Variants in CDK14 observed in about 807,000 individuals in gnomAD.
CDK14 encodes cyclin dependent kinase 14.
A neutral mutation model predicts 60.7 loss-of-function variants in CDK14; 34 were observed. That is an observed-to-expected ratio of 0.56 (90% CI 0.43 to 0.75). The LOEUF (loss-of-function observed/expected upper bound fraction) is 0.75. Ranked by LOEUF, CDK14 falls within the 30% of genes least tolerant of loss-of-function variation. CDK14 has a pLI of 0.00. For synonymous variants in CDK14, 197 were observed against 203.7 expected, an observed-to-expected ratio of 0.97 and a Z score of 0.28; for missense variants, 482 against 564.1, an observed-to-expected ratio of 0.85 and a Z score of 1.47.
At chr7:91,062,278 A>G (rs1797824289) in intron 11 of CDK14, among the ~76,000 whole-genome samples, 1 of 152,020 alleles carries the variant, frequency 6.6e-6, no homozygotes, top group Non-Finnish European at 1.5e-5. Context: ...GAATGACCTG[A>G]TTTTCCAGGT....
At position 90,662,160 on chromosome 7, in the gene CDK14, T is replaced by G. The variant is rs117366444; in HGVS notation, c.123+57911T>G. ...CATGTTTGGAACTTAGGAGAATTGG[T>G]ATACAACAAGTCCATCAGTTTAAAC... On this transcript the variant is annotated intron_variant, in intron 2 of 14. Transcript: ENST00000380050. Among the ~76,000 whole-genome samples, 58 of 152,338 alleles carry G rather than the reference T, an allele frequency of 3.8e-4. 1 individual carries two copies. The East Asian group carries it at 0.011, about 29-fold the overall frequency.
chr7:91,008,971 C>A (rs1009935099), intron 10 of CDK14, among the ~76,000 whole-genome samples: 1 of 151,924 alleles, frequency 6.6e-6, no homozygotes, highest in African/African-American at 2.4e-5. Flanking sequence ...ATCCATCATT[C>A]CCCCTCAATT....
intron 12 of CDK14, among the ~76,000 whole-genome samples, chr7:91,093,293 A>G (rs775038422): frequency 2.6e-5 from 4 of 152,228 alleles, no homozygotes; most frequent in Non-Finnish European, 5.9e-5. Flanking sequence ...ACCTGAGGCC[A>G]GCATCCTGGT....
At chr7:91,044,273 G>A (rs953187301) in intron 10 of CDK14, among the ~76,000 whole-genome samples, 3 of 152,162 alleles carry the variant, frequency 2.0e-5, no homozygotes, top group Non-Finnish European at 4.4e-5. Context: ...GTGGATTCAA[G>A]GATTTTCTGA....
At chr7:91,061,815 G>T (rs1797802689) in intron 11 of CDK14, among the ~76,000 whole-genome samples, 1 of 152,188 alleles carries the variant, frequency 6.6e-6, no homozygotes, top group Non-Finnish European at 1.5e-5. Flanking sequence ...CCCCTACTCG[G>T]GGGTGCCTCC....
chr7:90,696,194 A>G (rs540444696), intron 2 of CDK14, among the ~76,000 whole-genome samples: 4 of 152,290 alleles, frequency 2.6e-5, no homozygotes, highest in African/African-American at 4.8e-5. Context: ...GAGTACAATC[A>G]AGGATTCTGA....
At chr7:91,052,659 G>A (rs1244797572) in intron 11 of CDK14, among the ~76,000 whole-genome samples, 1 of 152,064 alleles carries the variant, frequency 6.6e-6, no homozygotes, top group African/African-American at 2.4e-5. Flanking sequence ...GAAGTTCAGT[G>A]AGGAAAAAAA....
chr7:90,771,991 A>G (rs950368930), intron 4 of CDK14, among the ~76,000 whole-genome samples: 1 of 152,244 alleles, frequency 6.6e-6, no homozygotes, highest in Admixed American at 6.5e-5. Context: ...CATTCCAATC[A>G]GGCTAAGGTT....
chr7:90,740,519 G>A (rs1803303652), intron 3 of CDK14, among the ~76,000 whole-genome samples: 1 of 151,938 alleles, frequency 6.6e-6, no homozygotes, highest in African/African-American at 2.4e-5. Context: ...CCATCAACCA[G>A]AGGGAAGGCC....
At chr7:90,823,725 A>G (rs1584013752) in intron 5 of CDK14, among the ~76,000 whole-genome samples, 1 of 152,186 alleles carries the variant, frequency 6.6e-6, no homozygotes, top group Non-Finnish European at 1.5e-5. Flanking sequence ...GAGTGGTAAC[A>G]TGCCCTCTCC....
chr7:91,169,032 G>A (rs1801433199), intron 14 of CDK14, among the ~76,000 whole-genome samples: 1 of 152,172 alleles, frequency 6.6e-6, no homozygotes, highest in Non-Finnish European at 1.5e-5. Context: ...CATAGCTGTT[G>A]ATTGTGCTCC....
At chr7:90,966,810 G>C (rs1794765568) in intron 9 of CDK14, among the ~76,000 whole-genome samples, 1 of 152,098 alleles carries the variant, frequency 6.6e-6, no homozygotes, top group South Asian at 2.1e-4. Flanking sequence ...CTTTTTCCAA[G>C]TTGCTGTAGG....
At chr7:90,604,086 A>G (rs1460293088) in intron 1 of CDK14, 132 bp from the exon 2 acceptor site, 6 of 600,382 alleles carry the variant, frequency 1.0e-5, no homozygotes, top group Admixed American at 3.8e-5. Context: ...TAACATTGTT[A>G]TTCAGGTTGG....
chr7:91,173,128 A>T (rs987362284), intron 14 of CDK14, among the ~76,000 whole-genome samples: 1 of 151,902 alleles, frequency 6.6e-6, no homozygotes, highest in Non-Finnish European at 1.5e-5. Flanking sequence ...GCAAACTTCC[A>T]TATAACAAAC....
At position 91,209,288 on chromosome 7, in the gene CDK14, C is replaced by T. The variant is rs1448822471; in HGVS notation, c.*2152C>T. 3 of 152,224 alleles carry T rather than the reference C, an allele frequency of 2.0e-5. No individual in the cohort carries two copies. The highest frequency in any genetic ancestry group is 6.5e-5 in the Admixed American group (1 of 15,276). 9.4% of individuals were successfully genotyped at this position (152,224 alleles called of 1,614,324 possible). On this transcript the variant is annotated 3_prime_UTR_variant, in exon 15 of 15. Transcript: ENST00000380050. ...CGGAGAAGTGAAATATAACATTACT[C>T]AGTGGACGGAGAAATCTGTTTTGTT... is the stretch of plus-strand genomic sequence containing the variant.
intron 9 of CDK14, among the ~76,000 whole-genome samples, chr7:90,961,722 A>C (rs1457378028): frequency 6.6e-6 from 1 of 152,256 alleles, no homozygotes; most frequent in African/African-American, 2.4e-5. Flanking sequence ...GCAATGCAAC[A>C]TAACAAAAGA....
chr7:90,733,565 AT>A (rs1019648592), intron 3 of CDK14, among the ~76,000 whole-genome samples: 2 of 152,156 alleles, frequency 1.3e-5, no homozygotes, highest in Admixed American at 6.5e-5. Flanking sequence ...TCCCTTTACC[AT>A]TAGTAATGTC....
intron 2 of CDK14, among the ~76,000 whole-genome samples, chr7:90,680,529 G>C (rs1801292449): frequency 6.6e-6 from 1 of 152,174 alleles, no homozygotes; most frequent in Admixed American, 6.5e-5. Flanking sequence ...AGGTCAGATA[G>C]AATGAGTTTC....
chr7:90,709,638 A>G (rs757206629), intron 2 of CDK14: 1 of 1,608,362 alleles, frequency 6.2e-7, no homozygotes, highest in South Asian at 1.1e-5. Context: ...GGAAAAAAAA[A>G]TTAGATTTTT....
Sources: gnomAD v4.1 joint callset for allele counts (sites outside exome capture counted in the v4.1 genomes callset) on GRCh38, gnomAD v4.1.1 for gene constraint, MANE v1.5 for transcripts, NCBI Gene and HGNC (gene_info 2026-07-23, HGNC 2026-07-21) for gene names.